DLG2: variants seen among roughly 807,000 people sequenced by gnomAD.
DLG2 encodes the protein disks large homolog 2.
In DLG2, 45 loss-of-function variants were observed where a neutral mutation model predicts 132.5. The ratio of observed to expected loss-of-function variants is 0.34; its 90% CI spans 0.27 to 0.44. The LOEUF (loss-of-function observed/expected upper bound fraction) is 0.44. Ranked by LOEUF, DLG2 falls within the 20% of genes least tolerant of loss-of-function variation. The pLI, the probability that DLG2 is intolerant of heterozygous loss-of-function variation, is 1.00. For synonymous variants in DLG2, 424 were observed against 419.6 expected, an observed-to-expected ratio of 1.01 and a Z score of -0.13; for missense variants, 1,045 against 1,196.9, an observed-to-expected ratio of 0.87 and a Z score of 1.87.
rs77358530 is a variant in DLG2 at position 84,739,000 on chromosome 11, G to A, written c.358-204269C>T. Among the ~76,000 whole-genome samples the A allele has an allele frequency of 1.4e-4, 21 of 152,124 alleles. No individual in the cohort carries two copies. The East Asian group carries it at 3.9e-3, about 28-fold the overall frequency. On this transcript the variant is annotated intron_variant, in intron 6 of 27. Transcript: ENST00000376104. ...TATATAAAATAAAAATCAATATATA[G>A]TGATATAAAGTAGATCTACTGCTTC...
intron 16 of DLG2, among the ~76,000 whole-genome samples, chr11:83,857,038 A>C (rs1160219405): frequency 6.6e-6 from 1 of 152,232 alleles, no homozygotes; most frequent in African/African-American, 2.4e-5. Flanking sequence ...AATCTTCTGT[A>C]TATGGCTAGC....
chr11:84,532,116 CAT>C (rs1491414205), intron 7 of DLG2, among the ~76,000 whole-genome samples: 1,086 of 69,904 alleles, frequency 0.016, 8 homozygotes, highest in Middle Eastern at 0.091. Flanking sequence ...TTGTTCTGTT[CAT>C]TTTTTTTTTT....
chr11:84,390,311 A>T (rs111801994), intron 7 of DLG2, among the ~76,000 whole-genome samples: 5 of 152,298 alleles, frequency 3.3e-5, no homozygotes, highest in African/African-American at 1.2e-4. Context: ...ATTAAATGTC[A>T]ACTGCACAAA....
intron 5 of DLG2, among the ~76,000 whole-genome samples, chr11:85,137,523 T>C (rs1019467533): frequency 3.9e-5 from 6 of 152,008 alleles, no homozygotes; most frequent in African/African-American, 9.7e-5. Context: ...CACAAACAGA[T>C]ACAAAAGGCC....
At chr11:85,356,550 C>A (rs1253987992) in intron 3 of DLG2, among the ~76,000 whole-genome samples, 1 of 152,132 alleles carries the variant, frequency 6.6e-6, no homozygotes. Flanking sequence ...AACAAGAGAA[C>A]CACAAACTGT....
intron 4 of DLG2, among the ~76,000 whole-genome samples, chr11:85,232,736 G>A (rs937796997): frequency 1.3e-5 from 2 of 151,884 alleles, no homozygotes; most frequent in African/African-American, 2.4e-5. Flanking sequence ...TAAAGCATAC[G>A]TGAATTCAGA....
At chr11:84,099,875 C>A (rs61897625) in intron 9 of DLG2, among the ~76,000 whole-genome samples, 1,159 of 2,306 alleles carry the variant, frequency 0.5, 478 homozygotes, top group African/African-American at 0.65. Context: ...ATATCTAAAG[C>A]GATATATATA....
At chr11:85,283,266 CT>C (rs1565265153) in intron 4 of DLG2, among the ~76,000 whole-genome samples, 1 of 151,208 alleles carries the variant, frequency 6.6e-6, no homozygotes, top group African/African-American at 2.4e-5. Flanking sequence ...TAATTAATTA[CT>C]TTTTTAAAAA....
At chr11:83,906,284 C>G (rs866779662) in intron 15 of DLG2, among the ~76,000 whole-genome samples, 44 of 142,756 alleles carry the variant, frequency 3.1e-4, no homozygotes, top group African/African-American at 7.2e-4. Flanking sequence ...CACACACACA[C>G]ACACACACAC....
chr11:84,835,318 G>C (rs1304967609), intron 6 of DLG2, among the ~76,000 whole-genome samples: 1 of 151,612 alleles, frequency 6.6e-6, no homozygotes, highest in Non-Finnish European at 1.5e-5. Context: ...GAGGTAGACA[G>C]ACCTACATTT....
chr11:85,603,373 T>C (rs1180754055), intron 2 of DLG2, among the ~76,000 whole-genome samples: 2 of 152,158 alleles, frequency 1.3e-5, no homozygotes, highest in Non-Finnish European at 2.9e-5. Context: ...ACAATAATTA[T>C]ACTATACCTC....
intron 8 of DLG2, among the ~76,000 whole-genome samples, chr11:84,198,715 T>C (rs909918993): frequency 3.9e-5 from 6 of 152,130 alleles, no homozygotes; most frequent in African/African-American, 9.7e-5. Context: ...TTTATCACTA[T>C]TGGGGAGACA....
At chr11:83,570,309 A>G (rs1295346324) in intron 19 of DLG2, among the ~76,000 whole-genome samples, 2 of 152,310 alleles carry the variant, frequency 1.3e-5, no homozygotes, top group East Asian at 3.9e-4. Context: ...CGTACAGAAT[A>G]GAGATGAAAA....
chr11:84,662,330 C>A (rs2099695279), intron 6 of DLG2, among the ~76,000 whole-genome samples: 1 of 151,888 alleles, frequency 6.6e-6, no homozygotes, highest in South Asian at 2.1e-4. Flanking sequence ...GCACATGCCA[C>A]CATGCCCAGC....
chr11:83,649,643 G>A (rs141425740), intron 18 of DLG2, among the ~76,000 whole-genome samples: 3 of 151,868 alleles, frequency 2.0e-5, no homozygotes, highest in Non-Finnish European at 2.9e-5. Context: ...GTTTTACATC[G>A]AAAGTGCTGA....
At chr11:85,346,895 G>C (rs893444256) in intron 3 of DLG2, among the ~76,000 whole-genome samples, 1 of 152,196 alleles carries the variant, frequency 6.6e-6, no homozygotes, top group South Asian at 2.1e-4. Context: ...GTCAGGATTT[G>C]TAGAATGGGG....
intron 6 of DLG2, among the ~76,000 whole-genome samples, chr11:84,542,162 A>G (rs926261131): frequency 3.9e-5 from 6 of 151,944 alleles, no homozygotes; most frequent in African/African-American, 1.2e-4. Context: ...AAAGAGAGAG[A>G]GGGGGAAGGA....
chr11:84,697,071 G>A (rs2058694001), intron 6 of DLG2, among the ~76,000 whole-genome samples: 1 of 151,288 alleles, frequency 6.6e-6, no homozygotes, highest in African/African-American at 2.4e-5. Context: ...CTTGGGCAAC[G>A]GGAGAGATAA....
chr11:84,932,724 G>A (rs199541057), intron 6 of DLG2, among the ~76,000 whole-genome samples: 23 of 139,234 alleles, frequency 1.7e-4, no homozygotes, highest in African/African-American at 3.8e-4. Flanking sequence ...GTATTCCATG[G>A]TATATATATA....
Sources: gnomAD v4.1 joint callset for allele counts (sites outside exome capture counted in the v4.1 genomes callset) on GRCh38, gnomAD v4.1.1 for gene constraint, MANE v1.5 for transcripts, NCBI Gene and HGNC (gene_info 2026-07-23, HGNC 2026-07-21) for gene names.